Variants in NEDD4L observed in about 807,000 individuals in gnomAD.
The protein encoded by NEDD4L is E3 ubiquitin-protein ligase NEDD4-like.
A neutral mutation model predicts 148.9 loss-of-function variants in NEDD4L; 54 were observed. The observed-to-expected ratio is 0.36, with a 90% CI of 0.29 to 0.45. NEDD4L has a LOEUF of 0.45. NEDD4L is among the 20% of genes least tolerant of loss of function. The pLI is 1.00. For missense variants in NEDD4L, 856 were observed against 1,233.8 expected (o/e 0.69, Z 4.59); for synonymous variants, 433 against 440.7 (o/e 0.98, Z 0.22).
intron 6 of NEDD4L, among the ~76,000 whole-genome samples, 165 bp downstream of exon 6, chr18:58,316,197 G>A (rs1168469131): frequency 1.3e-5 from 2 of 152,174 alleles, no homozygotes; most frequent in African/African-American, 4.8e-5. Flanking sequence ...TCCTTTCAAG[G>A]GGATGGAGGA....
intron 5 of NEDD4L, among the ~76,000 whole-genome samples, chr18:58,280,076 T>C (rs1406348507): frequency 6.6e-6 from 1 of 151,136 alleles, no homozygotes; most frequent in Non-Finnish European, 1.5e-5. Context: ...GGGGAGGAGG[T>C]ATTTATTTTG....
At chr18:58,370,348 T>C (rs1420190499) in intron 22 of NEDD4L, 49 bp from the exon 23 acceptor site, 1 of 1,070,380 alleles carries the variant, frequency 9.3e-7, no homozygotes, top group Non-Finnish European at 1.5e-6. Flanking sequence ...CTCTGATACA[T>C]AGCAGTGTCA....
chr18:58,180,166 G>A (rs1010050861), intron 2 of NEDD4L, among the ~76,000 whole-genome samples: 6 of 152,120 alleles, frequency 3.9e-5, no homozygotes, highest in Non-Finnish European at 7.4e-5. Context: ...TCTTTGTGAC[G>A]CCCTGCAACG....
chr18:58,389,039 G>A (rs1213342696), intron 27 of NEDD4L, 46 bp from the exon 28 acceptor site: 40 of 1,496,236 alleles, frequency 2.7e-5, no homozygotes, highest in Non-Finnish European at 3.3e-5. Context: ...GTGTGATCTC[G>A]CACCTTTCAC....
chr18:58,301,961 C>A (rs1049279531), intron 5 of NEDD4L, among the ~76,000 whole-genome samples: 1 of 152,130 alleles, frequency 6.6e-6, no homozygotes, highest in Non-Finnish European at 1.5e-5. Flanking sequence ...GCATCACATC[C>A]CCTTGTTGCC....
At chr18:58,294,353 G>A (rs1219780819) in intron 5 of NEDD4L, among the ~76,000 whole-genome samples, 2 of 152,156 alleles carry the variant, frequency 1.3e-5, no homozygotes, top group African/African-American at 4.8e-5. Context: ...AGAGTAAGTT[G>A]TAGCTAGGGT....
intron 5 of NEDD4L, among the ~76,000 whole-genome samples, chr18:58,275,657 A>G (rs1399750887): frequency 1.3e-5 from 2 of 152,114 alleles, no homozygotes; most frequent in Non-Finnish European, 1.5e-5. Context: ...CCATGCCCTG[A>G]CTCACCTGCA....
intron 2 of NEDD4L, among the ~76,000 whole-genome samples, chr18:58,181,738 T>C (rs747647002): frequency 6.6e-6 from 1 of 152,228 alleles, no homozygotes; most frequent in African/African-American, 2.4e-5. Context: ...GTTATATAAA[T>C]AGTTGCCTAT....
At position 58,066,387 on chromosome 18, in the gene NEDD4L, GTTTTTTTT is replaced by G. The variant is rs368243667; in HGVS notation, c.48+21695_48+21702del. 1.6e-3 allele frequency among the ~76,000 whole-genome samples: 180 copies of G among 112,136 alleles called. 2 individuals carry two copies. Among genetic ancestry groups the G allele is most frequent in the South Asian group, 8.4e-3 (23 of 2,722 alleles). The allele number at this position is 112,136 out of a possible 152,430, so 73.6% of individuals were successfully genotyped here. A position where few individuals can be genotyped will look rare whatever the true frequency, so the allele number is the denominator to read the frequency against. ...GTAAATTTAGATCCACTCTGTATTA[GTTTTTTTT>G]TTTTTTTTTTTTTTTAACGGAGTCT... On this transcript the variant is annotated intron_variant, in intron 1 of 30. Transcript: ENST00000400345.
chr18:58,063,949 C>CTT (rs58608106), intron 1 of NEDD4L, among the ~76,000 whole-genome samples: 117 of 129,780 alleles, frequency 9.0e-4, no homozygotes, highest in Non-Finnish European at 1.5e-3. Context: ...TATAATGTTT[C>CTT]TTTTTTTTTT....
chr18:58,181,110 G>T (rs1197045113), intron 2 of NEDD4L, among the ~76,000 whole-genome samples: 1 of 152,220 alleles, frequency 6.6e-6, no homozygotes, highest in Non-Finnish European at 1.5e-5. Flanking sequence ...AGGAGAGAAT[G>T]ATTTTATTTA....
chr18:58,264,869 A>G (rs1268085958), intron 5 of NEDD4L, among the ~76,000 whole-genome samples: 1 of 152,062 alleles, frequency 6.6e-6, no homozygotes, highest in African/African-American at 2.4e-5. Flanking sequence ...TCTCTTGAGT[A>G]TGAAATAATT....
chr18:58,189,258 GC>G (rs1244233931), intron 2 of NEDD4L, among the ~76,000 whole-genome samples: 1 of 152,144 alleles, frequency 6.6e-6, no homozygotes, highest in African/African-American at 2.4e-5. Flanking sequence ...TAAAAGTTCA[GC>G]CCCAGCTGGT....
intron 1 of NEDD4L, among the ~76,000 whole-genome samples, chr18:58,116,289 A>G (rs1286231058): frequency 6.6e-6 from 1 of 152,198 alleles, no homozygotes; most frequent in Non-Finnish European, 1.5e-5. Flanking sequence ...AATTTTATGG[A>G]AGTGGAAAAT....
chr18:58,299,031 T>C lies in NEDD4L; in HGVS notation c.298-16951T>C, dbSNP rs1330568451. ...AGTGACTTTCACTCCTCAACTAGAA[T>C]ATGCACGTTTACATACACATGCGAT... On this transcript the variant is annotated intron_variant, in intron 5 of 30. Coordinates refer to ENST00000400345, the MANE Select transcript of NEDD4L (RefSeq NM_001144967.3). Among the ~76,000 whole-genome samples, 3 of 152,220 alleles carry C rather than the reference T, an allele frequency of 2.0e-5. No homozygotes were observed. The South Asian group carries it at 6.2e-4, about 32-fold the overall frequency.
chr18:58,345,671 C>T (rs1035776548), intron 16 of NEDD4L, among the ~76,000 whole-genome samples: 2 of 152,172 alleles, frequency 1.3e-5, no homozygotes, highest in Non-Finnish European at 2.9e-5. Flanking sequence ...ACCTTTTACA[C>T]ACACACAGAT....
chr18:58,118,276 C>T (rs184149168), intron 1 of NEDD4L, among the ~76,000 whole-genome samples: 2 of 152,346 alleles, frequency 1.3e-5, no homozygotes, highest in Admixed American at 1.3e-4. Context: ...GCGCTGCTTG[C>T]GCAGTAAGCA....
intron 5 of NEDD4L, among the ~76,000 whole-genome samples, chr18:58,279,854 G>A (rs1001854054): frequency 1.3e-5 from 2 of 152,188 alleles, no homozygotes; most frequent in African/African-American, 4.8e-5. Flanking sequence ...AGTTTCTAAA[G>A]TACATTCACA....
At chr18:58,072,696 T>C (rs1235541499) in intron 1 of NEDD4L, among the ~76,000 whole-genome samples, 1 of 152,212 alleles carries the variant, frequency 6.6e-6, no homozygotes, top group Non-Finnish European at 1.5e-5. Flanking sequence ...TCACCACTTC[T>C]ATGTAGCATT....
Sources: gnomAD v4.1 joint callset for allele counts (sites outside exome capture counted in the v4.1 genomes callset) on GRCh38, gnomAD v4.1.1 for gene constraint, MANE v1.5 for transcripts, NCBI Gene and HGNC (gene_info 2026-07-23, HGNC 2026-07-21) for gene names.